The following PLEKHA8 variants were observed in gnomAD, a reference collection of about 807,000 sequenced individuals.
PLEKHA8 encodes pleckstrin homology domain containing A8.
PLEKHA8 carries 36 observed loss-of-function variants against 68.2 expected under a neutral mutation model. The observed-to-expected ratio is 0.53, with a 90% CI of 0.40 to 0.70. The LOEUF (loss-of-function observed/expected upper bound fraction) is 0.70, where lower values mean the gene tolerates loss of function less well. Among genes scored for constraint, PLEKHA8 ranks in the 30% least tolerant of loss-of-function variants. The pLI, the probability that PLEKHA8 is intolerant of heterozygous loss-of-function variation, is 0.00. For missense variants in PLEKHA8, 505 were observed against 615.4 expected, an observed-to-expected ratio of 0.82 and a Z score of 1.90; for synonymous variants, 211 against 216.1, an observed-to-expected ratio of 0.98 and a Z score of 0.20.
Position 30,028,795 on chromosome 7 carries a change from T to A in PLEKHA8, c.33T>A (p.Tyr11Ter). The A allele has an allele frequency of 7.9e-7, 1 of 1,272,134 alleles. No homozygotes were observed. The highest frequency in any genetic ancestry group is 1.0e-6 in the Non-Finnish European group (1 of 1,003,280). 78.8% of individuals were successfully genotyped at this position (1,272,134 alleles called of 1,614,324 possible). The change falls in exon 1 of 14, where the codon TAT becomes TAA. Residue 11 changes from tyrosine to a stop codon, truncating the protein, a stop_gained. Transcript: ENST00000449726. LOFTEE classifies it high-confidence loss of function. MEGVLYKWTN[Y>*]LSGWQPRWFL... Reference sequence around the variant, plus strand: ...GGGTGCTGTACAAGTGGACCAACTATCTGAGCGGTGAGTGGCCGTGCCGGG... The same window carrying A: ...GGGTGCTGTACAAGTGGACCAACTAACTGAGCGGTGAGTGGCCGTGCCGGG...
intron 13 of PLEKHA8, among the ~76,000 whole-genome samples, chr7:30,104,670 C>T (rs983794283): frequency 4.0e-5 from 6 of 149,630 alleles, no homozygotes; most frequent in African/African-American, 1.5e-4. Context: ...CATTGGTTGC[C>T]TGGGTTATTA....
At position 30,115,511 on chromosome 7, in the gene PLEKHA8, C is replaced by T. The variant is rs553433370; in HGVS notation, c.1363-13755C>T. Among the ~76,000 whole-genome samples the T allele has an allele frequency of 5.5e-4, 81 of 148,076 alleles. 1 individual carries two copies. Among genetic ancestry groups the T allele is most frequent in the African/African-American group, 1.5e-3 (60 of 40,934 alleles). ...ATGTAGACATATGTATACATATGTA[C>T]ACATACACGTATACATGTAGACATA... On this transcript the variant is annotated intron_variant, in intron 13 of 13. Coordinates refer to the PLEKHA8 transcript ENST00000396257.
rs1458483809 is a variant in PLEKHA8, at chr7:30,078,950, A to G, written c.*163A>G. Reference sequence around the variant, plus strand: ...TGCTTTTATAATTTTTAAAATGCATATGTGTTTTGTTTAAAGATCAAGGTG... The same window carrying G: ...TGCTTTTATAATTTTTAAAATGCATGTGTGTTTTGTTTAAAGATCAAGGTG... On this transcript the variant is annotated 3_prime_UTR_variant, in exon 14 of 14. Coordinates refer to ENST00000449726, the MANE Select transcript of PLEKHA8 (RefSeq NM_001197026.2). 2.8e-6 allele frequency: 4 copies of G among 1,421,722 alleles called. No individual in the cohort carries two copies. The highest frequency in any genetic ancestry group is 2.9e-5 in the African/African-American group (2 of 69,402). 88.1% of individuals were successfully genotyped at this position (1,421,722 alleles called of 1,614,324 possible).
At chr7:30,078,228 A>G (rs779053471) in intron 13 of PLEKHA8, among the ~76,000 whole-genome samples, 3 of 152,224 alleles carry the variant, frequency 2.0e-5, no homozygotes, top group Non-Finnish European at 4.4e-5. Context: ...AATAAAGACC[A>G]TGATGGCAAC....
At chr7:30,037,357 CAG>C (rs1321163211) in intron 1 of PLEKHA8, among the ~76,000 whole-genome samples, 1 of 151,916 alleles carries the variant, frequency 6.6e-6, no homozygotes, top group Non-Finnish European at 1.5e-5. Flanking sequence ...TGTTTGGAAA[CAG>C]GGTCTCGCTA....
At chr7:30,035,065 A>G (rs1004267120) in intron 1 of PLEKHA8, among the ~76,000 whole-genome samples, 2 of 151,852 alleles carry the variant, frequency 1.3e-5, no homozygotes, top group African/African-American at 2.4e-5. Context: ...TCACATAGAT[A>G]TTCAATACTC....
At chr7:30,087,027 G>C (rs1310875786), downstream of PLEKHA8, among the ~76,000 whole-genome samples, 1 of 152,236 alleles carries the variant, frequency 6.6e-6, no homozygotes, top group Non-Finnish European at 1.5e-5. Flanking sequence ...TTTGCTGTGT[G>C]AATGCATTGT....
At chr7:30,054,238 A>G (rs1792646067) in intron 7 of PLEKHA8, among the ~76,000 whole-genome samples, 2 of 152,222 alleles carry the variant, frequency 1.3e-5, no homozygotes, top group Non-Finnish European at 2.9e-5. Context: ...GTCCGGCAAC[A>G]AAGTTTTCAC....
Position 30,083,879 on chromosome 7 carries a change from A to T in PLEKHA8, c.*5092A>T, listed in dbSNP as rs1583450843. On this transcript the variant is annotated 3_prime_UTR_variant, in exon 14 of 14. Coordinates refer to ENST00000449726, the MANE Select transcript of PLEKHA8 (RefSeq NM_001197026.2). ...TGATACCCCTTACAAAGTCGATCTT[A>T]CCCACACAGACTCCTGTGTATGCGT... The T allele has an allele frequency of 1.0e-6, 1 of 985,444 alleles. No individual in the cohort carries two copies. The highest frequency in any genetic ancestry group is 1.1e-4 in the East Asian group (1 of 8,822). 61.0% of individuals were successfully genotyped at this position (985,444 alleles called of 1,614,324 possible). A position where few individuals can be genotyped will look rare whatever the true frequency, so the allele number is the denominator to read the frequency against.
chr7:30,055,192 C>G, intron 8 of PLEKHA8, 65 bp from the exon 9 acceptor site: 1 of 1,430,434 alleles, frequency 7.0e-7, no homozygotes, highest in Non-Finnish European at 9.9e-7. Flanking sequence ...TGACTTACCT[C>G]TGAATTGCAG....
intron 12 of PLEKHA8, chr7:30,090,079 G>C (rs1795352535): frequency 2.8e-6 from 4 of 1,444,182 alleles, no homozygotes; most frequent in Non-Finnish European, 3.7e-6. Context: ...AAAGTATCTG[G>C]AGATAAAATA....
chr7:30,065,775 T>C (rs568025918), intron 12 of PLEKHA8, among the ~76,000 whole-genome samples: 1 of 152,350 alleles, frequency 6.6e-6, no homozygotes, highest in African/African-American at 2.4e-5. Flanking sequence ...TATTTAATCT[T>C]CCAAATACTC....
At chr7:30,055,408 C>T (rs1792765077) in intron 9 of PLEKHA8, 66 bp downstream of exon 9, 2 of 1,408,206 alleles carry the variant, frequency 1.4e-6, no homozygotes, top group Middle Eastern at 3.6e-4. Flanking sequence ...AGTTATTTTG[C>T]AGGAGAAATA....
chr7:30,042,349 A>G (rs760075476), intron 1 of PLEKHA8, among the ~76,000 whole-genome samples: 2 of 152,158 alleles, frequency 1.3e-5, no homozygotes, highest in Non-Finnish European at 1.5e-5. Context: ...CTGACACTCT[A>G]CTGGTTCTTT....
chr7:30,047,231 A>G (rs530629536), intron 3 of PLEKHA8, among the ~76,000 whole-genome samples: 9 of 152,154 alleles, frequency 5.9e-5, no homozygotes, highest in Admixed American at 3.3e-4. Context: ...TTTTTCATGA[A>G]GAAGGAAACA....
chr7:30,083,199 C>T lies in PLEKHA8; in HGVS notation c.*4412C>T. ...TCTTGTAAGGGCTCTACACAAACTT[C>T]ATTATGTATGGTAAATTTGTATTCT... On this transcript the variant is annotated 3_prime_UTR_variant, in exon 14 of 14. Transcript: ENST00000449726. 1 of 983,776 alleles carries T rather than the reference C, an allele frequency of 1.0e-6. No individual in the cohort carries two copies. Among genetic ancestry groups the T allele is most frequent in the South Asian group, 4.7e-5 (1 of 21,258 alleles). 60.9% of individuals were successfully genotyped at this position (983,776 alleles called of 1,614,324 possible). A position where few individuals can be genotyped will look rare whatever the true frequency, so the allele number is the denominator to read the frequency against.
chr7:30,043,187 G>T (rs1791675249), intron 1 of PLEKHA8, among the ~76,000 whole-genome samples: 1 of 152,074 alleles, frequency 6.6e-6, no homozygotes, highest in African/African-American at 2.4e-5. Context: ...ATTAGAGATG[G>T]GTTTCGCCAT....
intron 2 of PLEKHA8, 138 bp from the exon 3 acceptor site, chr7:30,046,072 G>C: frequency 1.4e-6 from 1 of 714,632 alleles, no homozygotes; most frequent in Non-Finnish European, 2.2e-6. Flanking sequence ...TGTGAATTAG[G>C]AGAGGTAATG....
At chr7:30,116,294 T>C (rs916844430) in intron 13 of PLEKHA8, among the ~76,000 whole-genome samples, 2 of 151,576 alleles carry the variant, frequency 1.3e-5, no homozygotes. Flanking sequence ...ATGTATGTAT[T>C]CATACATGTA....
Sources: allele counts gnomAD v4.1 joint callset (sites outside exome capture counted in the v4.1 genomes callset), GRCh38; gene constraint gnomAD v4.1.1; transcripts MANE v1.5; gene names NCBI Gene and HGNC (gene_info 2026-07-23, HGNC 2026-07-21).